The following SYN2 variants were observed in gnomAD, a reference collection of about 807,000 sequenced individuals.
SYN2 encodes the protein synapsin-2.
SYN2 carries 19 observed loss-of-function variants against 50.9 expected under a neutral mutation model. The ratio of observed to expected loss-of-function variants is 0.37; its 90% CI spans 0.26 to 0.55. The LOEUF (loss-of-function observed/expected upper bound fraction) is 0.55. Ranked by LOEUF, SYN2 falls within the 20% of genes least tolerant of loss-of-function variation. SYN2 has a pLI of 0.81. For missense variants in SYN2, 587 were observed against 576.4 expected (o/e 1.02, Z -0.19); for synonymous variants, 255 against 224.9 (o/e 1.13, Z -1.20).
intron 1 of SYN2, among the ~76,000 whole-genome samples, chr3:12,128,305 T>G (rs541179240): frequency 6.6e-6 from 1 of 152,284 alleles, no homozygotes; most frequent in South Asian, 2.1e-4. Context: ...AATCGGGTCC[T>G]CAGTTTCTAC....
intron 1 of SYN2, among the ~76,000 whole-genome samples, chr3:12,100,708 G>C (rs1024806686): frequency 1.3e-5 from 2 of 151,994 alleles, no homozygotes; most frequent in Non-Finnish European, 2.9e-5. Flanking sequence ...AAAAATATTT[G>C]CAAATCATAT....
intron 1 of SYN2, among the ~76,000 whole-genome samples, chr3:12,024,149 C>CTTTTTTTTTTTTTTTTTTTTT: frequency 1.5e-5 from 1 of 68,304 alleles, no homozygotes; most frequent in Non-Finnish European, 2.6e-5. Context: ...TCATTACTTC[C>CTTTTTTTTTTTTTTTTTTTTT]TTTTTTTTTT....
intron 1 of SYN2, among the ~76,000 whole-genome samples, chr3:12,108,497 TC>T (rs769949647): frequency 1.3e-5 from 2 of 152,248 alleles, no homozygotes; most frequent in African/African-American, 2.4e-5. Flanking sequence ...TGACTAGGTT[TC>T]AGTTCGGAGA....
chr3:12,140,603 T>C (rs1397523358), intron 1 of SYN2, 48 bp from the exon 2 acceptor site: 5 of 725,512 alleles, frequency 6.9e-6, no homozygotes, highest in Non-Finnish European at 7.7e-6. Flanking sequence ...TGTCTGACTT[T>C]AAATACTTGC....
At chr3:12,043,268 C>A (rs1337607802) in intron 1 of SYN2, among the ~76,000 whole-genome samples, 2 of 152,156 alleles carry the variant, frequency 1.3e-5, no homozygotes, top group African/African-American at 2.4e-5. Flanking sequence ...AAGCAATCCT[C>A]CTGGAAAACA....
chr3:12,044,204 CACA>C (rs1694685751), intron 1 of SYN2, among the ~76,000 whole-genome samples: 2 of 150,816 alleles, frequency 1.3e-5, no homozygotes, highest in Admixed American at 6.6e-5. Context: ...CACACACACA[CACA>C]CACACACACA....
intron 1 of SYN2, among the ~76,000 whole-genome samples, chr3:12,049,991 C>T (rs772066422): frequency 6.6e-6 from 1 of 152,166 alleles, no homozygotes; most frequent in Non-Finnish European, 1.5e-5. Context: ...CCTCCACCTC[C>T]AGGATTCAAG....
chr3:12,146,872 A>T (rs1300098535), intron 4 of SYN2, among the ~76,000 whole-genome samples: 7 of 152,050 alleles, frequency 4.6e-5, no homozygotes, highest in African/African-American at 1.7e-4. Context: ...GGTAACACCT[A>T]CCCCTAATCA....
At chr3:12,075,931 C>A (rs529415892) in intron 1 of SYN2, among the ~76,000 whole-genome samples, 4 of 152,202 alleles carry the variant, frequency 2.6e-5, no homozygotes, top group African/African-American at 7.2e-5. Context: ...TACTATTTGC[C>A]AGTCACTGTT....
chr3:12,153,370 C>T (rs1380407555), intron 5 of SYN2: 5 of 957,950 alleles, frequency 5.2e-6, no homozygotes, highest in Non-Finnish European at 8.2e-6. Context: ...CCCTTCCCTG[C>T]CTTGACAGTG....
At chr3:12,070,635 G>C in intron 1 of SYN2, 1 of 1,367,702 alleles carries the variant, frequency 7.3e-7, no homozygotes, top group Non-Finnish European at 1.0e-6. Flanking sequence ...GTCCATGTAC[G>C]TGGCCATCCA....
intron 7 of SYN2, among the ~76,000 whole-genome samples, chr3:12,164,984 C>CTTTTTTTTTTTTT (rs68043865): frequency 1.5e-3 from 138 of 92,208 alleles, no homozygotes; most frequent in Non-Finnish European, 2.0e-3. Flanking sequence ...TTTTTCTTTT[C>CTTTTTTTTTTTTT]TTTTTTTTTT....
intron 1 of SYN2, among the ~76,000 whole-genome samples, chr3:12,126,813 G>A (rs1490739530): frequency 1.3e-5 from 2 of 152,194 alleles, no homozygotes; most frequent in East Asian, 3.8e-4. Flanking sequence ...GTGCTTAATA[G>A]ATATTAGTTG....
chr3:12,104,193 C>A lies in SYN2; in HGVS notation c.378-36458C>A, dbSNP rs142975568. On this transcript the variant is annotated intron_variant, in intron 1 of 12. Transcript: ENST00000621198. ...CATCACCCAAGCTGGAGTACAGTGG[C>A]ATGATCATAGATCACTGCAGCCTCA... Among the ~76,000 whole-genome samples, 43 of 152,254 alleles carry A rather than the reference C, an allele frequency of 2.8e-4. No individual in the cohort carries two copies. In the East Asian group the frequency reaches 7.1e-3, roughly 25 times the overall value.
intron 12 of SYN2, among the ~76,000 whole-genome samples, chr3:12,189,106 A>G (rs1698399899): frequency 6.6e-6 from 1 of 152,222 alleles, no homozygotes; most frequent in Non-Finnish European, 1.5e-5. Context: ...ACAGTTCTGT[A>G]GAAGGGAGTT....
chr3:12,156,821 A>T (rs1697470926), intron 5 of SYN2: 1 of 1,613,002 alleles, frequency 6.2e-7, no homozygotes, highest in African/African-American at 1.3e-5. Context: ...TTAACTTACC[A>T]GTCAAGAGAT....
chr3:12,182,373 T>A (rs530227678), intron 10 of SYN2, among the ~76,000 whole-genome samples: 24 of 152,318 alleles, frequency 1.6e-4, no homozygotes, highest in African/African-American at 5.8e-4. Flanking sequence ...TGGCAGACTT[T>A]AGGCTTCACA....
At chr3:12,169,683 C>G in intron 9 of SYN2, 74 bp from the exon 10 acceptor site, 4 of 1,551,216 alleles carry the variant, frequency 2.6e-6, no homozygotes, top group Admixed American at 3.5e-5. Context: ...TAATTCCTAC[C>G]CATTCTGAAA....
At chr3:12,162,545 C>T (rs1697679676) in intron 7 of SYN2, among the ~76,000 whole-genome samples, 1 of 152,180 alleles carries the variant, frequency 6.6e-6, no homozygotes, top group Non-Finnish European at 1.5e-5. Context: ...CCACTACCTC[C>T]TGTTACTTAG....
Sources: allele counts gnomAD v4.1 joint callset (sites outside exome capture counted in the v4.1 genomes callset), GRCh38; gene constraint gnomAD v4.1.1; transcripts MANE v1.5; gene names NCBI Gene and HGNC (gene_info 2026-07-23, HGNC 2026-07-21).